Variants in RGS6 observed in about 807,000 individuals in gnomAD.
RGS6 encodes the protein regulator of G-protein signaling 6.
Under a neutral mutation model 78.5 loss-of-function variants are expected in RGS6, and 30 were observed. The observed-to-expected ratio is 0.38, with a 90% CI of 0.29 to 0.52. RGS6 has a LOEUF of 0.52. RGS6 is among the 20% of genes least tolerant of loss of function. The pLI is 0.85. For missense variants in RGS6, 495 were observed against 609.7 expected (o/e 0.81, Z 1.98); for synonymous variants, 206 against 206.0 (o/e 1.00, Z 0.00).
chr14:72,308,315 T>TGTAGTTG (rs2067727092), intron 2 of RGS6, among the ~76,000 whole-genome samples: 2 of 152,202 alleles, frequency 1.3e-5, no homozygotes, highest in African/African-American at 2.4e-5. Flanking sequence ...ATGTAGCAAA[T>TGTAGTTG]ACAACTGTCC....
chr14:72,353,109 G>A (rs2079458917), intron 3 of RGS6, among the ~76,000 whole-genome samples: 2 of 152,168 alleles, frequency 1.3e-5, no homozygotes, highest in Admixed American at 6.5e-5. Flanking sequence ...ATGGAAAATT[G>A]TGCAGCTACT....
chr14:72,079,986 A>G (rs996907163), intron 2 of RGS6, among the ~76,000 whole-genome samples: 6 of 152,142 alleles, frequency 3.9e-5, no homozygotes, highest in Admixed American at 1.3e-4. Context: ...GACTAATGCT[A>G]CAATGAACAC....
At chr14:72,259,904 C>G (rs1389214887) in intron 2 of RGS6, among the ~76,000 whole-genome samples, 2 of 76,996 alleles carry the variant, frequency 2.6e-5, no homozygotes, top group Non-Finnish European at 4.4e-5. Flanking sequence ...GAGTGAGACT[C>G]CGTCTCAAAA....
intron 2 of RGS6, among the ~76,000 whole-genome samples, chr14:72,209,071 G>A (rs2043388249): frequency 6.6e-6 from 1 of 152,058 alleles, no homozygotes; most frequent in Non-Finnish European, 1.5e-5. Context: ...GGACAAAGGT[G>A]AAAACCCATT....
the RGS6 span, among the ~76,000 whole-genome samples, chr14:71,876,221 A>G: frequency 2.0e-5 from 3 of 152,056 alleles, no homozygotes; most frequent in African/African-American, 7.2e-5. Flanking sequence ...TGTCTCATTG[A>G]TCTGTCTAAT....
At chr14:71,992,632 T>C (rs184338607) in intron 2 of RGS6, among the ~76,000 whole-genome samples, 12 of 152,360 alleles carry the variant, frequency 7.9e-5, no homozygotes, top group African/African-American at 2.6e-4. Flanking sequence ...TTAGAAGCCA[T>C]GCTCTTAACT....
chr14:72,012,994 G>A (rs991829374), intron 2 of RGS6, among the ~76,000 whole-genome samples: 1 of 152,162 alleles, frequency 6.6e-6, no homozygotes, highest in Non-Finnish European at 1.5e-5. Flanking sequence ...CATAGGGCCA[G>A]GTGCAGTGGC....
chr14:72,223,547 G>A (rs1264656529), intron 2 of RGS6, among the ~76,000 whole-genome samples: 5 of 152,224 alleles, frequency 3.3e-5, no homozygotes, highest in Non-Finnish European at 5.9e-5. Flanking sequence ...GATGGAGGGG[G>A]TGTGACCCAT....
At chr14:72,366,792 G>A (rs935038254) in intron 3 of RGS6, among the ~76,000 whole-genome samples, 1 of 152,138 alleles carries the variant, frequency 6.6e-6, no homozygotes, top group African/African-American at 2.4e-5. Flanking sequence ...CGCCCCACCT[G>A]CCCTGCAGGT....
intron 8 of RGS6, among the ~76,000 whole-genome samples, chr14:72,471,469 T>G (rs1597997904): frequency 6.6e-6 from 1 of 152,228 alleles, no homozygotes; most frequent in African/African-American, 2.4e-5. Flanking sequence ...AATGGGACTA[T>G]GTTTCCTCTG....
chr14:72,478,776 G>A (rs1566945254), intron 12 of RGS6, among the ~76,000 whole-genome samples: 1 of 152,146 alleles, frequency 6.6e-6, no homozygotes, highest in African/African-American at 2.4e-5. Context: ...GCCTCCACAC[G>A]CCATCAACCA....
chr14:71,956,656 C>T (rs2092814898), intron 1 of RGS6, among the ~76,000 whole-genome samples: 1 of 152,074 alleles, frequency 6.6e-6, no homozygotes, highest in Admixed American at 6.6e-5. Flanking sequence ...TAGATTGTGC[C>T]CACCAGATTA....
chr14:72,505,493 A>C (rs1427660290), intron 13 of RGS6, among the ~76,000 whole-genome samples: 2 of 152,258 alleles, frequency 1.3e-5, no homozygotes, highest in Non-Finnish European at 2.9e-5. Context: ...TTGTGGATCA[A>C]GATTTCAATG....
intron 17 of RGS6, chr14:72,541,501 GGTCTA>G: frequency 6.5e-7 from 1 of 1,535,706 alleles, no homozygotes; most frequent in South Asian, 1.2e-5. Context: ...GCGGGTGCCT[GGTCTA>G]TCTTCATGGC....
chr14:72,513,443 C>G (rs890800197), intron 14 of RGS6, among the ~76,000 whole-genome samples: 1 of 152,174 alleles, frequency 6.6e-6, no homozygotes, highest in Non-Finnish European at 1.5e-5. Context: ...TTTGCTGAAG[C>G]TGTGAGCTCT....
chr14:72,526,002 G>A (rs772796538), intron 15 of RGS6, among the ~76,000 whole-genome samples: 9 of 152,128 alleles, frequency 5.9e-5, no homozygotes, highest in African/African-American at 9.7e-5. Flanking sequence ...GAGAGAAGAC[G>A]TCAAAGAGTT....
At chr14:72,001,367 A>C (rs568693482) in intron 2 of RGS6, among the ~76,000 whole-genome samples, 17 of 152,230 alleles carry the variant, frequency 1.1e-4, no homozygotes, top group Admixed American at 7.9e-4. Context: ...AATTCTGTGA[A>C]AATTTAGTTC....
chr14:71,905,688 C>T, the RGS6 span, among the ~76,000 whole-genome samples: 2 of 152,156 alleles, frequency 1.3e-5, no homozygotes, highest in East Asian at 1.9e-4. Context: ...CAGGGTTTCA[C>T]CATGTTGCCC....
At chr14:72,395,531 A>G (rs1026130578) in intron 3 of RGS6, among the ~76,000 whole-genome samples, 2 of 152,056 alleles carry the variant, frequency 1.3e-5, no homozygotes, top group Non-Finnish European at 2.9e-5. Flanking sequence ...ACTATCCAAC[A>G]TAATTATTTT....
Sources: allele counts gnomAD v4.1 joint callset (sites outside exome capture counted in the v4.1 genomes callset), GRCh38; gene constraint gnomAD v4.1.1; transcripts MANE v1.5; gene names NCBI Gene and HGNC (gene_info 2026-07-23, HGNC 2026-07-21).